Variants in UMAD1 observed in about 807,000 individuals in gnomAD.
UMAD1 encodes UBAP1-MVB12-associated (UMA)-domain containing protein 1.
A neutral mutation model predicts 6.1 loss-of-function variants in UMAD1; 8 were observed. That is an observed-to-expected ratio of 1.30 (90% CI 0.76 to 2.35). UMAD1 has a LOEUF of 2.35. UMAD1 is among the 30% of genes most tolerant of loss of function. The pLI, the probability that UMAD1 is intolerant of heterozygous loss-of-function variation, is 0.00. For synonymous variants in UMAD1, 56 were observed against 31.4 expected (o/e 1.78, Z -2.61); for missense variants, 130 against 78.4 (o/e 1.66, Z -2.49).
At chr7:7,715,850 A>G (rs544746990) in intron 2 of UMAD1, among the ~76,000 whole-genome samples, 36 of 152,356 alleles carry the variant, frequency 2.4e-4, no homozygotes, top group African/African-American at 8.4e-4. Flanking sequence ...AAACATTTAA[A>G]AAATAGTATC....
chr7:7,740,086 C>G (rs545745950), intron 2 of UMAD1, among the ~76,000 whole-genome samples: 1 of 152,348 alleles, frequency 6.6e-6, no homozygotes, highest in African/African-American at 2.4e-5. Context: ...TGGATTGCTA[C>G]TGCTTTCAAG....
At chr7:7,727,382 C>G (rs763120403) in intron 2 of UMAD1, among the ~76,000 whole-genome samples, 8 of 152,102 alleles carry the variant, frequency 5.3e-5, no homozygotes, top group Non-Finnish European at 1.2e-4. Flanking sequence ...TTCGGTTGTA[C>G]ATAGCATAGT....
intron 3 of UMAD1, among the ~76,000 whole-genome samples, chr7:7,833,326 A>G (rs891157273): frequency 1.3e-5 from 2 of 152,140 alleles, no homozygotes; most frequent in Admixed American, 6.6e-5. Context: ...ATTGGGAGTG[A>G]AAAAGAGAGT....
intron 3 of UMAD1, among the ~76,000 whole-genome samples, chr7:7,818,838 T>C (rs1042552569): frequency 6.6e-6 from 1 of 152,172 alleles, no homozygotes; most frequent in Non-Finnish European, 1.5e-5. Context: ...GGTTTTGCTA[T>C]GTTGCCCATA....
intron 2 of UMAD1, chr7:7,736,824 A>G (rs1177814957): frequency 6.6e-6 from 1 of 152,274 alleles, no homozygotes; most frequent in East Asian, 1.9e-4. Flanking sequence ...CAGAAGACAG[A>G]TGTCACATCC....
intron 2 of UMAD1, among the ~76,000 whole-genome samples, chr7:7,685,105 C>CT (rs1397906328): frequency 1.3e-5 from 2 of 151,942 alleles, no homozygotes; most frequent in Admixed American, 6.6e-5. Context: ...GGATGAGACT[C>CT]TAAGTAAAAT....
rs1400468435 is a variant in UMAD1, at chr7:7,778,271, T to TGA, written c.83-23398_83-23397insAG. Reference sequence around the variant, plus strand: ...GTGTGTGTGTGTGTGTGTGTGTGTGTGTGTGAGAGAGAGAGAGAGAGAGAG... The same window carrying TGA: ...GTGTGTGTGTGTGTGTGTGTGTGTGTGAGTGTGAGAGAGAGAGAGAGAGAGAG... On this transcript the variant is annotated intron_variant, in intron 2 of 3. Transcript: ENST00000682710. 4.9e-3 allele frequency among the ~76,000 whole-genome samples: 549 copies of TGA among 111,308 alleles called. 2 individuals carry two copies. The highest frequency in any genetic ancestry group is 0.013 in the African/African-American group (363 of 27,006). 73.0% of individuals were successfully genotyped at this position (111,308 alleles called of 152,430 possible). A position where few individuals can be genotyped will look rare whatever the true frequency, so the allele number is the denominator to read the frequency against.
At chr7:7,646,630 A>C (rs1019704585) in intron 1 of UMAD1, among the ~76,000 whole-genome samples, 3 of 151,792 alleles carry the variant, frequency 2.0e-5, no homozygotes, top group African/African-American at 7.3e-5. Context: ...ACCCAGTCTC[A>C]GGGGTGTCTT....
At chr7:7,759,445 C>T (rs1478686596) in intron 2 of UMAD1, among the ~76,000 whole-genome samples, 1 of 152,244 alleles carries the variant, frequency 6.6e-6, no homozygotes, top group Non-Finnish European at 1.5e-5. Context: ...AGTCCGGTTA[C>T]ATCGAGCATT....
In UMAD1 at chr7:7,712,975, T is replaced by G. The variant is rs150563436; in HGVS notation, c.82+39522T>G. ...GTAGCTTTTATGTACCGAATGAATT[T>G]GTTGATAATTGCAGACTAGCCTATT... On this transcript the variant is annotated intron_variant, in intron 2 of 3. Coordinates refer to ENST00000682710, the MANE Select transcript of UMAD1 (RefSeq NM_001302348.2). 6.2e-3 allele frequency among the ~76,000 whole-genome samples: 941 copies of G among 152,270 alleles called. 7 individuals carry two copies. Among genetic ancestry groups the G allele is most frequent in the Non-Finnish European group, 0.01 (689 of 68,020 alleles).
intron 2 of UMAD1, among the ~76,000 whole-genome samples, chr7:7,676,930 T>C (rs1779756298): frequency 7.2e-5 from 11 of 152,144 alleles, no homozygotes; most frequent in Admixed American, 7.2e-4. Context: ...TAGGTTTCTC[T>C]TTTTATTATA....
intron 2 of UMAD1, among the ~76,000 whole-genome samples, chr7:7,782,463 A>C (rs1782364692): frequency 6.6e-6 from 1 of 152,120 alleles, no homozygotes; most frequent in African/African-American, 2.4e-5. Flanking sequence ...AATGTGTCTA[A>C]GTCGTGTGTC....
At chr7:7,724,997 G>C (rs1004226899) in intron 2 of UMAD1, among the ~76,000 whole-genome samples, 1 of 152,198 alleles carries the variant, frequency 6.6e-6, no homozygotes, top group African/African-American at 2.4e-5. Context: ...GCAAGAAGTA[G>C]AAAACAAACT....
At chr7:7,670,469 C>T in intron 1 of UMAD1, among the ~76,000 whole-genome samples, 1 of 152,194 alleles carries the variant, frequency 6.6e-6, no homozygotes, top group East Asian at 1.9e-4. Context: ...ATTATGTCTC[C>T]ATAAAACAGA....
Position 7,757,076 on chromosome 7 carries a change from T to A in UMAD1, c.83-44594T>A, listed in dbSNP as rs1204297961. On this transcript the variant is annotated intron_variant, in intron 2 of 3. Transcript: ENST00000682710. The stretch of plus-strand genomic sequence containing the variant: ...TCTTTGAGACATGAGTTACTACTTT[T>A]ATTAACAGATGAATGATGTAAATGT... Among the ~76,000 whole-genome samples, 4 of 152,362 alleles carry A rather than the reference T, an allele frequency of 2.6e-5. No homozygotes were observed. In the East Asian group the frequency reaches 5.8e-4, roughly 22 times the overall value.
chr7:7,657,608 G>T (rs183820071), intron 1 of UMAD1, among the ~76,000 whole-genome samples: 1 of 152,140 alleles, frequency 6.6e-6, no homozygotes, highest in South Asian at 2.1e-4. Flanking sequence ...GTATGTCAAA[G>T]ATCAGATGGT....
intron 3 of UMAD1, among the ~76,000 whole-genome samples, chr7:7,805,160 G>A (rs1452505571): frequency 6.6e-6 from 1 of 152,016 alleles, no homozygotes; most frequent in Non-Finnish European, 1.5e-5. Context: ...CCTCTCCCCT[G>A]AGTTCTAGAC....
chr7:7,817,498 A>T (rs1246451487), intron 3 of UMAD1, among the ~76,000 whole-genome samples: 1 of 152,202 alleles, frequency 6.6e-6, no homozygotes, highest in Non-Finnish European at 1.5e-5. Context: ...TTGAAACATT[A>T]CTTCATCTCT....
At chr7:7,818,836 T>G (rs1345465227) in intron 3 of UMAD1, among the ~76,000 whole-genome samples, 1 of 152,160 alleles carries the variant, frequency 6.6e-6, no homozygotes, top group Non-Finnish European at 1.5e-5. Flanking sequence ...AGGGTTTTGC[T>G]ATGTTGCCCA....
Sources: gnomAD v4.1 joint callset for allele counts (sites outside exome capture counted in the v4.1 genomes callset) on GRCh38, gnomAD v4.1.1 for gene constraint, MANE v1.5 for transcripts, NCBI Gene and HGNC (gene_info 2026-07-23, HGNC 2026-07-21) for gene names.